Variants in AUTS2 observed in about 807,000 individuals in gnomAD.
AUTS2 encodes the protein activator of transcription and developmental regulator AUTS2.
Under a neutral mutation model 112.4 loss-of-function variants are expected in AUTS2, and 17 were observed. That is an observed-to-expected ratio of 0.15 (90% CI 0.10 to 0.23). The LOEUF is 0.23. AUTS2 is among the 10% of genes least tolerant of loss of function. AUTS2 has a pLI of 1.00. For synonymous variants in AUTS2, 751 were observed against 702.7 expected (o/e 1.07, Z -1.09); for missense variants, 1,510 against 1,701.6 (o/e 0.89, Z 1.98).
intron 1 of AUTS2, among the ~76,000 whole-genome samples, chr7:69,839,536 G>A (rs1791879110): frequency 6.6e-6 from 1 of 152,120 alleles, no homozygotes; most frequent in Admixed American, 6.5e-5. Context: ...TGGAATAAAG[G>A]GATGGAAGCT....
intron 1 of AUTS2, among the ~76,000 whole-genome samples, chr7:69,699,172 G>T (rs1464488629): frequency 6.6e-6 from 1 of 152,076 alleles, no homozygotes; most frequent in Non-Finnish European, 1.5e-5. Context: ...GGATTGATGG[G>T]CATTTTTGCT....
At chr7:69,788,211 G>A (rs1381359065) in intron 1 of AUTS2, among the ~76,000 whole-genome samples, 1 of 151,996 alleles carries the variant, frequency 6.6e-6, no homozygotes, top group Non-Finnish European at 1.5e-5. Flanking sequence ...TATATTGTGT[G>A]GCAGAGTTGT....
At chr7:69,684,067 C>A (rs937570589) in intron 1 of AUTS2, among the ~76,000 whole-genome samples, 1 of 152,286 alleles carries the variant, frequency 6.6e-6, no homozygotes, top group African/African-American at 2.4e-5. Context: ...TAAGACTCAG[C>A]CATCTTGAGA....
intron 1 of AUTS2, among the ~76,000 whole-genome samples, chr7:69,788,811 A>G (rs1269339164): frequency 6.6e-6 from 1 of 152,134 alleles, no homozygotes; most frequent in Non-Finnish European, 1.5e-5. Flanking sequence ...TAAAAAAAGA[A>G]TAATCAAAAC....
At chr7:69,654,101 C>A (rs1795408790) in intron 1 of AUTS2, among the ~76,000 whole-genome samples, 1 of 152,228 alleles carries the variant, frequency 6.6e-6, no homozygotes, top group African/African-American at 2.4e-5. Flanking sequence ...CTGCTCTTAA[C>A]CAGCCAGTGG....
chr7:69,702,631 T>C (rs1797868804), intron 1 of AUTS2, among the ~76,000 whole-genome samples: 1 of 152,186 alleles, frequency 6.6e-6, no homozygotes, highest in Non-Finnish European at 1.5e-5. Flanking sequence ...TAGGAGGTTA[T>C]TCTAGGTAGA....
chr7:69,889,853 G>A (rs1463584937), intron 1 of AUTS2, among the ~76,000 whole-genome samples: 1 of 152,062 alleles, frequency 6.6e-6, no homozygotes, highest in Non-Finnish European at 1.5e-5. Flanking sequence ...ATTGTGTGGT[G>A]CTAGTTTCTC....
chr7:70,636,460 C>A (rs1429215380), intron 5 of AUTS2, among the ~76,000 whole-genome samples: 2 of 152,116 alleles, frequency 1.3e-5, no homozygotes, highest in Non-Finnish European at 2.9e-5. Flanking sequence ...GCAGCCATGG[C>A]AAGGTGGAAA....
At chr7:70,577,173 T>G (rs1283327036) in intron 5 of AUTS2, among the ~76,000 whole-genome samples, 1 of 152,224 alleles carries the variant, frequency 6.6e-6, no homozygotes, top group East Asian at 1.9e-4. Flanking sequence ...GAGTTACGAA[T>G]AATTGAGCCT....
chr7:70,669,791 C>A (rs1316989979), intron 5 of AUTS2, among the ~76,000 whole-genome samples: 2 of 152,298 alleles, frequency 1.3e-5, no homozygotes, highest in Admixed American at 1.3e-4. Flanking sequence ...GGCACAAGGG[C>A]TCTGAGGATG....
intron 4 of AUTS2, among the ~76,000 whole-genome samples, chr7:70,409,331 A>G (rs556982522): frequency 9.9e-4 from 141 of 141,880 alleles, no homozygotes; most frequent in African/African-American, 3.5e-3. Flanking sequence ...GTGTATTAGT[A>G]TATATATATA....
intron 1 of AUTS2, among the ~76,000 whole-genome samples, chr7:69,810,313 A>G (rs1049428535): frequency 6.6e-6 from 1 of 152,200 alleles, no homozygotes; most frequent in Non-Finnish European, 1.5e-5. Flanking sequence ...GATTCTTCGT[A>G]TACAAAAATA....
intron 5 of AUTS2, among the ~76,000 whole-genome samples, chr7:70,471,814 C>T (rs566109216): frequency 2.0e-5 from 3 of 151,786 alleles, no homozygotes; most frequent in South Asian, 2.1e-4. Context: ...TGGGTGTATG[C>T]GTGGTGGGGT....
chr7:70,132,173 A>AC (rs1806309620), intron 3 of AUTS2, among the ~76,000 whole-genome samples: 2 of 149,402 alleles, frequency 1.3e-5, no homozygotes, highest in African/African-American at 4.9e-5. Context: ...TTAAAAAAAA[A>AC]AAAAAAAAAA....
intron 4 of AUTS2, among the ~76,000 whole-genome samples, chr7:70,412,687 A>G (rs1197558024): frequency 1.3e-5 from 2 of 152,216 alleles, no homozygotes; most frequent in Non-Finnish European, 2.9e-5. Context: ...GATTTTATGT[A>G]TACTTATTAA....
chr7:70,472,448 A>AAAGGG (rs1797427180), intron 5 of AUTS2, among the ~76,000 whole-genome samples: 6 of 151,766 alleles, frequency 4.0e-5, no homozygotes, highest in Non-Finnish European at 8.8e-5. Flanking sequence ...TCTAAAGCCA[A>AAAGGG]GAGCTCTACC....
chr7:69,872,332 G>T (rs1793535982), intron 1 of AUTS2, among the ~76,000 whole-genome samples: 1 of 152,140 alleles, frequency 6.6e-6, no homozygotes, highest in South Asian at 2.1e-4. Flanking sequence ...TCAATCCATT[G>T]TGCCTTTCCA....
At chr7:70,450,225 G>GA (rs1796475455) in intron 5 of AUTS2, among the ~76,000 whole-genome samples, 1 of 152,158 alleles carries the variant, frequency 6.6e-6, no homozygotes, top group South Asian at 2.1e-4. Flanking sequence ...CAAAGACATA[G>GA]AAAACCTTCA....
At chr7:70,305,855 G>A (rs1253790340) in intron 4 of AUTS2, among the ~76,000 whole-genome samples, 1 of 152,084 alleles carries the variant, frequency 6.6e-6, no homozygotes, top group Non-Finnish European at 1.5e-5. Context: ...TAAATTCTCA[G>A]ATTTGAGGAC....
Sources: gnomAD v4.1 joint callset for allele counts (sites outside exome capture counted in the v4.1 genomes callset) on GRCh38, gnomAD v4.1.1 for gene constraint, MANE v1.5 for transcripts, NCBI Gene and HGNC (gene_info 2026-07-23, HGNC 2026-07-21) for gene names.